ZBTB41: variants seen among roughly 807,000 people sequenced by gnomAD.
The protein encoded by ZBTB41 is zinc finger and BTB domain containing 41, also known as zinc finger and BTB domain-containing protein 41.
A neutral mutation model predicts 87.6 loss-of-function variants in ZBTB41; 42 were observed. The ratio of observed to expected loss-of-function variants is 0.48; its 90% CI spans 0.37 to 0.62. ZBTB41 has a LOEUF of 0.62. ZBTB41 is among the 20% of genes least tolerant of loss of function. The probability of loss-of-function intolerance (pLI) is 0.00; values close to 1 mark genes in which losing one functional copy is unlikely to be tolerated. For missense variants in ZBTB41, 799 were observed against 1,078.9 expected, an observed-to-expected ratio of 0.74 and a Z score of 3.63; for synonymous variants, 364 against 364.0, an observed-to-expected ratio of 1.00 and a Z score of 0.00.
In ZBTB41 at chr1:197,200,589, G is replaced by T. The variant is rs1652729572; in HGVS notation, c.-116C>A. 4.0e-6 allele frequency: 4 copies of T among 1,006,724 alleles called. No individual in the cohort carries two copies. The highest frequency in any genetic ancestry group is 5.6e-6 in the Non-Finnish European group (4 of 714,564). The allele number at this position is 1,006,724 out of a possible 1,614,324, so 62.4% of individuals were successfully genotyped here. ...AAGGGGCGTGCCCAAGGGTTTCATG[G>T]TCTGCAAAAGAGTGAGAACCACGTA... On this transcript the variant is annotated splice_region_variant and 5_prime_UTR_variant, in exon 2 of 11. Coordinates refer to ENST00000367405, the MANE Select transcript of ZBTB41 (RefSeq NM_194314.3).
At chr1:197,181,200 A>C in intron 5 of ZBTB41, 83 bp from the exon 6 acceptor site, 1 of 1,293,716 alleles carries the variant, frequency 7.7e-7, no homozygotes, top group East Asian at 2.4e-5. Context: ...CTGTAAGTTC[A>C]TGCCTATCCT....
chr1:197,176,642 T>C lies in ZBTB41; in HGVS notation c.1801A>G (p.Lys601Glu). 6.2e-7 allele frequency: 1 copy of C among 1,611,868 alleles called. No individual in the cohort carries two copies. Among genetic ancestry groups the C allele is most frequent in the East Asian group, 2.2e-5 (1 of 44,754 alleles). Residue 601 changes from lysine to glutamate, a missense_variant, in exon 8 of 11, where the codon AAA becomes GAA. Physicochemically the swap from Lys to Glu is moderately conservative, Grantham distance 56. This residue lies in a region of ZBTB41 where 198 missense variants were observed against 358.4 expected (regional missense o/e 0.55). Transcript: ENST00000367405. ...RLHLRVHHDD[K>E]RYECDECGKT... is the part of the protein sequence containing the mutation. ...CCACATTCATCGCACTCATATCTTT[T>C]ATCATCATGATGTACTCGTAAGTGA...
intron 9 of ZBTB41, among the ~76,000 whole-genome samples, chr1:197,172,817 C>A (rs1034970853): frequency 1.3e-5 from 2 of 151,918 alleles, no homozygotes; most frequent in African/African-American, 2.4e-5. Flanking sequence ...ATTTTAAAAC[C>A]CGCATTTATC....
Position 197,159,216 on chromosome 1 carries a change from A to AT in ZBTB41, c.*142_*143insA. On this transcript the variant is annotated 3_prime_UTR_variant, in exon 11 of 11. Transcript: ENST00000367405. ...ATATTCATGTTCAGTAAACAGAGAC[A>AT]CATAGTTTTCTTGATTTGAAACTGT... The AT allele has an allele frequency of 1.3e-6, 1 of 753,094 alleles. No individual in the cohort carries two copies. The highest frequency in any genetic ancestry group is 2.1e-6 in the Non-Finnish European group (1 of 473,126). The allele number at this position is 753,094 out of a possible 1,614,324, so 46.7% of individuals were successfully genotyped here.
At chr1:197,186,186 C>T (rs752697397) in intron 5 of ZBTB41, among the ~76,000 whole-genome samples, 2 of 150,630 alleles carry the variant, frequency 1.3e-5, no homozygotes, top group Non-Finnish European at 1.5e-5. Context: ...TAAATATGGT[C>T]AACTAATCTT....
chr1:197,198,987 A>C (rs1660232299), intron 2 of ZBTB41, among the ~76,000 whole-genome samples: 1 of 152,160 alleles, frequency 6.6e-6, no homozygotes, highest in East Asian at 1.9e-4. Flanking sequence ...CACATTATTA[A>C]ATCTAATATA....
At chr1:197,164,257 C>T (rs570139425) in intron 10 of ZBTB41, among the ~76,000 whole-genome samples, 6 of 151,876 alleles carry the variant, frequency 4.0e-5, no homozygotes, top group African/African-American at 1.4e-4. Flanking sequence ...TGGGTAACCA[C>T]TAAAAACATA....
At position 197,159,362 on chromosome 1, in the gene ZBTB41, T is replaced by G. The variant is rs1659143726; in HGVS notation, c.2727A>C (p.Ser909=). 6.2e-7 allele frequency: 1 copy of G among 1,612,964 alleles called. No homozygotes were observed. The highest frequency in any genetic ancestry group is 8.5e-7 in the Non-Finnish European group (1 of 1,179,094). ...TCTGTGGAATGTTTAGATTTACTCA[T>G]GAATGATGCTCATTCGTAGAAATAT... is the stretch of plus-strand genomic sequence containing the variant. ...VQNISTNEHH[S] Residue 909 remains serine (S), a synonymous_variant, in exon 11 of 11, where the codon TCA becomes TCC. Transcript: ENST00000367405.
intron 9 of ZBTB41, 122 bp downstream of exon 9, chr1:197,174,888 G>C: frequency 1.6e-6 from 1 of 634,668 alleles, no homozygotes; most frequent in African/African-American, 1.9e-5. Context: ...AGATGCTACA[G>C]AATGTAGAGA....
chr1:197,190,921 A>C, intron 3 of ZBTB41, 90 bp from the exon 4 acceptor site: 1 of 773,890 alleles, frequency 1.3e-6, no homozygotes, highest in East Asian at 3.0e-5. Flanking sequence ...AATTACCAGG[A>C]TCAAGTACTG....
chr1:197,182,993 G>C lies in ZBTB41; in HGVS notation c.1547-1876C>G, dbSNP rs1416504269. 2.0e-5 allele frequency among the ~76,000 whole-genome samples: 3 copies of C among 152,206 alleles called. No homozygotes were observed. The South Asian group carries it at 6.2e-4, about 32-fold the overall frequency. ...TGATTCAAGGGAACAGAAACATAGA[G>C]ACGGAATGCAAAAGAAGCTCTCTCT... On this transcript the variant is annotated intron_variant, in intron 5 of 10. Transcript: ENST00000367405.
intron 5 of ZBTB41, among the ~76,000 whole-genome samples, chr1:197,186,124 T>TA (rs1022997733): frequency 1.2e-4 from 17 of 144,634 alleles, no homozygotes; most frequent in Non-Finnish European, 2.4e-4. Flanking sequence ...AAATAAAAAA[T>TA]AAAAAAAAAA....
At chr1:197,168,814 T>G (rs1659409365) in intron 10 of ZBTB41, among the ~76,000 whole-genome samples, 1 of 151,930 alleles carries the variant, frequency 6.6e-6, no homozygotes, top group South Asian at 2.1e-4. Context: ...AGTGAAAAGG[T>G]AAGTCATAGA....
intron 6 of ZBTB41, among the ~76,000 whole-genome samples, chr1:197,179,727 G>T (rs1354651259): frequency 1.3e-5 from 2 of 151,788 alleles, no homozygotes; most frequent in African/African-American, 4.8e-5. Flanking sequence ...GTTTGTGTTT[G>T]TGTCTTTTGT....
chr1:197,181,169 A>G, intron 5 of ZBTB41, 52 bp from the exon 6 acceptor site: 1 of 1,511,096 alleles, frequency 6.6e-7, no homozygotes, highest in Non-Finnish European at 8.8e-7. Context: ...AGGAGATACT[A>G]AGTTAAATTT....
intron 2 of ZBTB41, among the ~76,000 whole-genome samples, chr1:197,198,806 C>CTAG (rs1166935169): frequency 6.6e-6 from 1 of 152,120 alleles, no homozygotes; most frequent in Non-Finnish European, 1.5e-5. Flanking sequence ...GTGCTACTAA[C>CTAG]TAGGATACTA....
At chr1:197,170,607 A>G (rs374617613) in intron 10 of ZBTB41, among the ~76,000 whole-genome samples, 10 of 152,124 alleles carry the variant, frequency 6.6e-5, no homozygotes, top group African/African-American at 2.4e-4. Flanking sequence ...ATAAATCTCA[A>G]AAATGGACTT....
rs1470662388 is a variant in ZBTB41 at position 197,180,990 on chromosome 1, T to C, written c.1674A>G (p.Glu558=). The C allele has an allele frequency of 6.3e-7, 1 of 1,591,660 alleles. No individual in the cohort carries two copies. Among genetic ancestry groups the C allele is most frequent in the African/African-American group, 1.4e-5 (1 of 73,486 alleles). Residue 558 remains glutamate (E), a splice_region_variant and synonymous_variant, in exon 6 of 11, where the codon GAA becomes GAG. Coordinates refer to ENST00000367405, the MANE Select transcript of ZBTB41 (RefSeq NM_194314.3). The stretch of plus-strand genomic sequence containing the variant: ...TGGGTGTGCAGATAATTCTTCACCT[T>C]TCTCGTACTGATTTTCCACAGATAA... The part of the protein sequence containing the change: ...TCFICGKSVR[E]RTTLKEHLRI...
intron 4 of ZBTB41, 33 bp downstream of exon 4, chr1:197,190,729 G>A (rs753474396): frequency 7.0e-7 from 1 of 1,432,072 alleles, no homozygotes; most frequent in East Asian, 2.3e-5. Flanking sequence ...ATTTACTTTG[G>A]TTTTCTAATT....
Sources: allele counts gnomAD v4.1 joint callset (sites outside exome capture counted in the v4.1 genomes callset), GRCh38; gene constraint gnomAD v4.1.1; regional missense constraint gnomAD v4.1.1; transcripts MANE v1.5; gene names NCBI Gene and HGNC (gene_info 2026-07-23, HGNC 2026-07-21).